TRPC6: variants seen among roughly 807,000 people sequenced by gnomAD.
TRPC6 encodes the protein transient receptor potential cation channel subfamily C member 6.
Under a neutral mutation model 90.7 loss-of-function variants are expected in TRPC6, and 55 were observed. The ratio of observed to expected loss-of-function variants is 0.61; its 90% CI spans 0.49 to 0.76. The LOEUF (loss-of-function observed/expected upper bound fraction) is 0.76, where lower values mean the gene tolerates loss of function less well. Among genes scored for constraint, TRPC6 ranks in the 30% least tolerant of loss-of-function variants. The pLI is 0.00. For missense variants in TRPC6, 989 were observed against 1,122.7 expected (o/e 0.88, Z 1.70); for synonymous variants, 393 against 393.0 (o/e 1.00, Z 0.00).
intron 1 of TRPC6, among the ~76,000 whole-genome samples, chr11:101,565,753 C>T (rs535964471): frequency 6.6e-6 from 1 of 152,144 alleles, no homozygotes; most frequent in East Asian, 1.9e-4. Flanking sequence ...ATTTATTTGA[C>T]AATACCTGAT....
intron 4 of TRPC6, among the ~76,000 whole-genome samples, chr11:101,487,174 C>T (rs1859696041): frequency 6.6e-6 from 1 of 152,058 alleles, no homozygotes; most frequent in African/African-American, 2.4e-5. Context: ...CTTTCGAACA[C>T]ACTGGTTATG....
At chr11:101,567,816 G>A (rs1861870177) in intron 1 of TRPC6, among the ~76,000 whole-genome samples, 1 of 152,206 alleles carries the variant, frequency 6.6e-6, no homozygotes, top group South Asian at 2.1e-4. Flanking sequence ...GAAAGGAATA[G>A]TATTAAAATC....
rs201767367 is a variant in TRPC6, at chr11:101,452,666, A to G, written c.*289T>C. On this transcript the variant is annotated 3_prime_UTR_variant, in exon 13 of 13. Coordinates refer to ENST00000344327, the MANE Select transcript of TRPC6 (RefSeq NM_004621.6). ...GGACCCATTTTCAGGCAGACACTAC[A>G]TGGCAATGACATCATCACAAGAGTT... is the stretch of plus-strand genomic sequence containing the variant. 10 of 367,838 alleles carry G rather than the reference A, an allele frequency of 2.7e-5. No individual in the cohort carries two copies. Among genetic ancestry groups the G allele is most frequent in the Non-Finnish European group, 4.6e-5 (9 of 197,080 alleles). 22.8% of individuals were successfully genotyped at this position (367,838 alleles called of 1,614,324 possible). A position where few individuals can be genotyped will look rare whatever the true frequency, so the allele number is the denominator to read the frequency against.
chr11:101,559,521 T>G (rs1861663977), intron 1 of TRPC6, among the ~76,000 whole-genome samples: 2 of 88,540 alleles, frequency 2.3e-5, no homozygotes, highest in South Asian at 3.0e-4. Context: ...AAAGTTAACT[T>G]TTTTTCATAG....
chr11:101,561,100 A>G (rs1861701582), intron 1 of TRPC6, among the ~76,000 whole-genome samples: 1 of 72,478 alleles, frequency 1.4e-5, no homozygotes, highest in South Asian at 3.8e-4. Flanking sequence ...CAATGATCAG[A>G]TTGAGTTTGA....
At chr11:101,543,389 A>T (rs1047456950) in intron 1 of TRPC6, among the ~76,000 whole-genome samples, 1 of 152,176 alleles carries the variant, frequency 6.6e-6, no homozygotes, top group African/African-American at 2.4e-5. Flanking sequence ...TTCATATGGA[A>T]CCAAAAAAGA....
intron 4 of TRPC6, 121 bp downstream of exon 4, chr11:101,488,816 A>G (rs761092506): frequency 6.2e-5 from 67 of 1,084,216 alleles, no homozygotes; most frequent in Admixed American, 1.2e-4. Flanking sequence ...AATGTTAAAA[A>G]CAATAAAGAT....
intron 1 of TRPC6, among the ~76,000 whole-genome samples, chr11:101,525,433 G>GTGA (rs1176728802): frequency 2.0e-5 from 3 of 152,206 alleles, no homozygotes; most frequent in Non-Finnish European, 4.4e-5. Context: ...TCAGGACATG[G>GTGA]TGATGAATTG....
At chr11:101,460,619 A>G (rs1210018602) in intron 10 of TRPC6, among the ~76,000 whole-genome samples, 1 of 152,200 alleles carries the variant, frequency 6.6e-6, no homozygotes, top group Non-Finnish European at 1.5e-5. Flanking sequence ...CATATCACAC[A>G]TTTTGTAGAT....
At chr11:101,485,689 G>A (rs1453422750) in intron 4 of TRPC6, among the ~76,000 whole-genome samples, 2 of 152,078 alleles carry the variant, frequency 1.3e-5, no homozygotes, top group Middle Eastern at 3.4e-3. Flanking sequence ...CCTGGTTCCA[G>A]GAAGAATAAG....
intron 10 of TRPC6, among the ~76,000 whole-genome samples, chr11:101,462,738 A>G (rs1859035223): frequency 6.6e-6 from 1 of 152,182 alleles, no homozygotes; most frequent in Non-Finnish European, 1.5e-5. Context: ...TAAATACACA[A>G]TCATGTCATC....
chr11:101,499,195 G>A (rs1048917493), intron 2 of TRPC6, among the ~76,000 whole-genome samples: 1 of 152,122 alleles, frequency 6.6e-6, no homozygotes, highest in Non-Finnish European at 1.5e-5. Context: ...AAATGTAAAT[G>A]ATTCCTTATA....
At position 101,483,251 on chromosome 11, in the gene TRPC6, C is replaced by T. The variant is rs1859595938; in HGVS notation, c.1294-86G>A. ...CATACATACATGCAAGAATAAACAT[C>T]TGCACATTCCAATGATCTCCTGAGA... On this transcript the variant is annotated intron_variant, in intron 4 of 12. Transcript: ENST00000344327. The T allele has an allele frequency of 1.0e-5, 13 of 1,300,040 alleles. No individual in the cohort carries two copies. The East Asian group carries it at 2.6e-4, about 26-fold the overall frequency. 80.5% of individuals were successfully genotyped at this position (1,300,040 alleles called of 1,614,324 possible). A position where few individuals can be genotyped will look rare whatever the true frequency, so the allele number is the denominator to read the frequency against.
chr11:101,468,430 C>A (rs908043931), intron 10 of TRPC6, among the ~76,000 whole-genome samples: 1 of 152,026 alleles, frequency 6.6e-6, no homozygotes, highest in Non-Finnish European at 1.5e-5. Context: ...GGTAACATAA[C>A]CAGCTTAACA....
rs145369054 is a variant in TRPC6 at position 101,455,171 on chromosome 11, T to A, written c.2485-70A>T. On this transcript the variant is annotated intron_variant, in intron 10 of 12. Coordinates refer to ENST00000344327, the MANE Select transcript of TRPC6 (RefSeq NM_004621.6). ...CTTTTAAATAAAGTAGTGAGATTAGTTATCTAATGAACTAATAGTCTTACA... is the reference window on the plus strand; with the variant it reads ...CTTTTAAATAAAGTAGTGAGATTAGATATCTAATGAACTAATAGTCTTACA... 173 of 1,252,022 alleles carry A rather than the reference T, an allele frequency of 1.4e-4. No homozygotes were observed. In the African/African-American group the frequency reaches 2.2e-3, roughly 16 times the overall value. The allele number at this position is 1,252,022 out of a possible 1,614,324, so 77.6% of individuals were successfully genotyped here. A position where few individuals can be genotyped will look rare whatever the true frequency, so the allele number is the denominator to read the frequency against.
At chr11:101,493,031 T>G (rs1207982014) in intron 2 of TRPC6, among the ~76,000 whole-genome samples, 2 of 152,194 alleles carry the variant, frequency 1.3e-5, no homozygotes, top group Admixed American at 1.3e-4. Context: ...TACCGTAAAC[T>G]CATGTCATGC....
intron 5 of TRPC6, among the ~76,000 whole-genome samples, chr11:101,477,887 C>T (rs1447180453): frequency 2.0e-5 from 3 of 152,140 alleles, no homozygotes; most frequent in Non-Finnish European, 2.9e-5. Context: ...AAGAATCCCA[C>T]TTTTTTAATT....
intron 5 of TRPC6, among the ~76,000 whole-genome samples, chr11:101,482,558 C>T (rs11821584): frequency 0.36 from 54,589 of 152,028 alleles, 11,337 homozygotes; most frequent in African/African-American, 0.57. Flanking sequence ...AAAATAAATG[C>T]TCAATAAATG....
intron 6 of TRPC6, among the ~76,000 whole-genome samples, chr11:101,475,164 T>A (rs991797755): frequency 6.6e-6 from 1 of 152,210 alleles, no homozygotes; most frequent in Admixed American, 6.5e-5. Flanking sequence ...ATTTCTTGTT[T>A]TATTTCTCAA....
Sources: gnomAD v4.1 joint callset for allele counts (sites outside exome capture counted in the v4.1 genomes callset) on GRCh38, gnomAD v4.1.1 for gene constraint, MANE v1.5 for transcripts, NCBI Gene and HGNC (gene_info 2026-07-23, HGNC 2026-07-21) for gene names.